The following ADGRV1 variants were observed in gnomAD, a reference collection of about 807,000 sequenced individuals.
ADGRV1 encodes G-protein coupled receptor 98.
In ADGRV1, 359 loss-of-function variants were observed where a neutral mutation model predicts 596.2. That is an observed-to-expected ratio of 0.60 (90% confidence interval 0.55 to 0.66). ADGRV1 has a LOEUF of 0.66. Among genes scored for constraint, ADGRV1 ranks in the 30% least tolerant of loss-of-function variants. The pLI, the probability that ADGRV1 is intolerant of heterozygous loss-of-function variation, is 0.00. For missense variants in ADGRV1, 7,274 were observed against 7,575.6 expected (o/e 0.96, Z 1.48); for synonymous variants, 2,681 against 2,679.2 (o/e 1.00, Z -0.02).
intron 87 of ADGRV1, among the ~76,000 whole-genome samples, chr5:91,125,255 T>C (rs1793650564): frequency 6.6e-6 from 1 of 152,224 alleles, no homozygotes; most frequent in Non-Finnish European, 1.5e-5. Context: ...GAGAGTCTTT[T>C]AAACTCTGCT....
intron 31 of ADGRV1, among the ~76,000 whole-genome samples, chr5:90,691,768 TTTCA>T (rs552910711): frequency 2.0e-5 from 3 of 152,260 alleles, no homozygotes; most frequent in South Asian, 2.1e-4. Context: ...TATTGTGGTT[TTTCA>T]TTCATTCATT....
intron 83 of ADGRV1, among the ~76,000 whole-genome samples, chr5:90,910,538 T>TTA (rs1156781120): frequency 3.3e-5 from 5 of 149,450 alleles, no homozygotes; most frequent in East Asian, 2.0e-4. Context: ...ATGTTTAGTT[T>TTA]TATATATATA....
chr5:90,609,804 C>T (rs965364375), intron 1 of ADGRV1, among the ~76,000 whole-genome samples: 9 of 151,972 alleles, frequency 5.9e-5, no homozygotes, highest in East Asian at 1.9e-4. Flanking sequence ...AAGGTCAATG[C>T]GTTCATTCAA....
intron 86 of ADGRV1, 105 bp downstream of exon 86, chr5:91,072,709 T>G: frequency 8.4e-7 from 1 of 1,189,826 alleles, no homozygotes; most frequent in Non-Finnish European, 1.2e-6. Context: ...GGCTCATCTT[T>G]CAGCTCTGAA....
chr5:90,759,388 C>T, intron 57 of ADGRV1, 21 bp from the exon 58 acceptor site: 1 of 1,503,518 alleles, frequency 6.7e-7, no homozygotes, highest in Non-Finnish European at 9.1e-7. Context: ...CTCTTTCTCC[C>T]TTCCTTCCTT....
At position 90,777,920 on chromosome 5, in the gene ADGRV1, A is replaced by C. The variant is rs1296258471; in HGVS notation, c.12543A>C (p.Pro4181=). The C allele has an allele frequency of 6.2e-7, 1 of 1,611,172 alleles. No homozygotes were observed. The highest frequency in any genetic ancestry group is 8.5e-7 in the Non-Finnish European group (1 of 1,177,942). The stretch of plus-strand genomic sequence containing the variant: ...ATTGTTGTAGCCTTGTTCGAGGCCC[A>C]GGGATTTTGGGGGAGGTCACAGTGT... ...GTAIISLVRG[P]GILGEVTVFW... The change falls in exon 62 of 90, where the codon CCA becomes CCC. Residue 4181 remains proline (P), a synonymous_variant. Coordinates refer to ENST00000405460, the MANE Select transcript of ADGRV1 (RefSeq NM_032119.4).
At chr5:90,849,615 C>A (rs1766279797) in intron 79 of ADGRV1, among the ~76,000 whole-genome samples, 1 of 152,090 alleles carries the variant, frequency 6.6e-6, no homozygotes, top group Non-Finnish European at 1.5e-5. Flanking sequence ...GTCTTGAACT[C>A]CTGGGCTCAA....
chr5:90,956,536 C>T (rs557263909), intron 83 of ADGRV1, among the ~76,000 whole-genome samples: 3 of 152,156 alleles, frequency 2.0e-5, no homozygotes, highest in Non-Finnish European at 2.9e-5. Context: ...CATTACAGAA[C>T]TGAGAAATGT....
chr5:90,872,145 C>T (rs1768746643), intron 83 of ADGRV1, among the ~76,000 whole-genome samples: 1 of 152,082 alleles, frequency 6.6e-6, no homozygotes, highest in Non-Finnish European at 1.5e-5. Context: ...ATTTGGGGCC[C>T]CACCCTTTTT....
At position 90,928,526 on chromosome 5, in the gene ADGRV1, C is replaced by T. The variant is rs1357370010; in HGVS notation, c.17857-36889C>T. ...CCCTGTATTGCTTATTCTAGTTATA[C>T]ATTCTTCTAAATTTTTTTCAAAGTT... On this transcript the variant is annotated intron_variant, in intron 83 of 89. Coordinates refer to ENST00000405460, the MANE Select transcript of ADGRV1 (RefSeq NM_032119.4). Among the ~76,000 whole-genome samples, 1,317 of 149,112 alleles carry T rather than the reference C, an allele frequency of 8.8e-3. 18 individuals carry two copies. The highest frequency in any genetic ancestry group is 0.028 in the African/African-American group (1,086 of 39,134).
intron 86 of ADGRV1, chr5:91,091,488 A>T: frequency 6.6e-6 from 1 of 152,052 alleles, no homozygotes; most frequent in East Asian, 1.9e-4. Context: ...TAGAATCAGA[A>T]ACTGTCTTTT....
intron 5 of ADGRV1, among the ~76,000 whole-genome samples, chr5:90,624,643 A>C (rs1233451257): frequency 6.6e-6 from 1 of 152,146 alleles, no homozygotes; most frequent in African/African-American, 2.4e-5. Context: ...CCCTTCCTTT[A>C]AATGTCAGGA....
At chr5:90,917,070 A>G (rs147366925) in intron 83 of ADGRV1, among the ~76,000 whole-genome samples, 1 of 152,348 alleles carries the variant, frequency 6.6e-6, no homozygotes, top group East Asian at 1.9e-4. Context: ...TTTCCAGACC[A>G]TATCGAAAAG....
intron 1 of ADGRV1, among the ~76,000 whole-genome samples, chr5:90,572,506 A>G (rs1756659000): frequency 6.6e-6 from 1 of 152,206 alleles, no homozygotes; most frequent in Non-Finnish European, 1.5e-5. Context: ...CAAAATAGAA[A>G]ACAGAATAGA....
At chr5:90,920,451 A>AC (rs1470254122) in intron 83 of ADGRV1, among the ~76,000 whole-genome samples, 1 of 152,174 alleles carries the variant, frequency 6.6e-6, no homozygotes, top group Non-Finnish European at 1.5e-5. Flanking sequence ...TTTAAAAAAA[A>AC]ATTTCTCTTC....
intron 32 of ADGRV1, 70 bp from the exon 33 acceptor site, chr5:90,693,820 C>T: frequency 8.8e-7 from 1 of 1,141,490 alleles, no homozygotes; most frequent in Non-Finnish European, 1.2e-6. Flanking sequence ...CCACAGTCAG[C>T]ATTCCTCTTC....
chr5:90,769,468 G>A (rs1385759927), intron 59 of ADGRV1, among the ~76,000 whole-genome samples: 5 of 152,078 alleles, frequency 3.3e-5, no homozygotes, highest in South Asian at 4.1e-4. Context: ...GAAGATAAGA[G>A]GAAAGAAATA....
intron 86 of ADGRV1, among the ~76,000 whole-genome samples, chr5:91,072,989 T>C (rs1330193147): frequency 6.6e-6 from 1 of 152,204 alleles, no homozygotes; most frequent in Admixed American, 6.5e-5. Context: ...GCAGTGCTCA[T>C]GAGTGTGCAT....
intron 21 of ADGRV1, among the ~76,000 whole-genome samples, chr5:90,661,191 T>C (rs1770234823): frequency 6.6e-6 from 1 of 152,226 alleles, no homozygotes. Context: ...AGCACTGTTT[T>C]TACGTGTCCT....
Sources: gnomAD v4.1 joint callset for allele counts (sites outside exome capture counted in the v4.1 genomes callset) on GRCh38, gnomAD v4.1.1 for gene constraint, MANE v1.5 for transcripts, NCBI Gene and HGNC (gene_info 2026-07-23, HGNC 2026-07-21) for gene names.